The following PTER variants were observed in gnomAD, a reference collection of about 807,000 sequenced individuals.
PTER encodes phosphotriesterase related, also known as N-acetyltaurine hydrolase.
Under a neutral mutation model 29.6 loss-of-function variants are expected in PTER, and 38 were observed. That is an observed-to-expected ratio of 1.28 (90% CI 0.99 to 1.68). PTER has a LOEUF of 1.68. Among genes scored for constraint, PTER ranks in the 40% most tolerant of loss-of-function variants. PTER has a pLI of 0.00. For synonymous variants in PTER, 172 were observed against 154.5 expected, an observed-to-expected ratio of 1.11 and a Z score of -0.84; for missense variants, 482 against 427.8, an observed-to-expected ratio of 1.13 and a Z score of -1.12.
chr10:16,515,219 A>C (rs1292459166), downstream of PTER, among the ~76,000 whole-genome samples: 1 of 125,054 alleles, frequency 8.0e-6, no homozygotes, highest in Non-Finnish European at 1.6e-5. Flanking sequence ...TCTACTACTT[A>C]CAAAGAAAAA....
intron 1 of PTER, among the ~76,000 whole-genome samples, chr10:16,454,187 A>G (rs1834310860): frequency 6.6e-6 from 1 of 152,128 alleles, no homozygotes; most frequent in Admixed American, 6.5e-5. Context: ...TGGTCAACCA[A>G]CTCCACTTCT....
At chr10:16,494,547 C>T (rs560566448) in intron 3 of PTER, among the ~76,000 whole-genome samples, 6 of 152,238 alleles carry the variant, frequency 3.9e-5, no homozygotes, top group Admixed American at 2.0e-4. Context: ...GTCATGCCTC[C>T]GTGCAAAAAG....
At chr10:16,457,122 G>T (rs1015206292) in intron 1 of PTER, among the ~76,000 whole-genome samples, 1 of 152,066 alleles carries the variant, frequency 6.6e-6, no homozygotes, top group Non-Finnish European at 1.5e-5. Flanking sequence ...GAATACAAAG[G>T]CTTCAGCGAG....
At position 16,484,370 on chromosome 10, in the gene PTER, G is replaced by A. The variant is rs1835598080; in HGVS notation, c.-15G>A. On this transcript the variant is annotated 5_prime_UTR_variant, in exon 2 of 5. The change creates a new upstream start codon in the 5' untranslated region. Coordinates refer to ENST00000535784, the MANE Select transcript of PTER (RefSeq NM_001261836.2). ...AATCCTCTTTTTAGAACATCTCTTG[G>A]TGGTACCATCAGAAATGTCTTCCTT... 2 of 1,560,626 alleles carry A rather than the reference G, an allele frequency of 1.3e-6. No homozygotes were observed. Among genetic ancestry groups the A allele is most frequent in the South Asian group, 1.2e-5 (1 of 83,102 alleles).
At chr10:16,504,909 C>T (rs1836498927) in intron 3 of PTER, 111 bp from the exon 4 acceptor site, 3 of 1,243,254 alleles carry the variant, frequency 2.4e-6, no homozygotes, top group Non-Finnish European at 2.2e-6. Flanking sequence ...GTCTGTTACT[C>T]GACTTCAACT....
In PTER at chr10:16,512,939, C is replaced by A. The variant is rs1210357919; in HGVS notation, c.*1683C>A. ...ATGGCTTTTGGCAGTGTGTTCTAAC[C>A]AGAAAGAAAGGATTTGTATTACTCT... is the stretch of plus-strand genomic sequence containing the variant. On this transcript the variant is annotated 3_prime_UTR_variant, in exon 5 of 5. Transcript: ENST00000535784. The A allele has an allele frequency of 1.3e-5, 2 of 152,230 alleles. No individual in the cohort carries two copies. The highest frequency in any genetic ancestry group is 2.9e-5 in the Non-Finnish European group (2 of 67,918). The allele number at this position is 152,230 out of a possible 1,614,324, so 9.4% of individuals were successfully genotyped here.
chr10:16,467,441 A>G (rs1378433851), intron 1 of PTER, among the ~76,000 whole-genome samples: 2 of 152,160 alleles, frequency 1.3e-5, no homozygotes, highest in East Asian at 3.8e-4. Context: ...ATAGTAAGGG[A>G]AAGTTAAAAA....
chr10:16,480,602 A>G (rs905040213), intron 1 of PTER, among the ~76,000 whole-genome samples: 1 of 152,168 alleles, frequency 6.6e-6, no homozygotes, highest in East Asian at 1.9e-4. Flanking sequence ...TTATGAAATA[A>G]GGACAGTGTA....
At chr10:16,443,560 T>C (rs1015364990) in intron 1 of PTER, among the ~76,000 whole-genome samples, 7 of 152,252 alleles carry the variant, frequency 4.6e-5, no homozygotes, top group Admixed American at 4.6e-4. Context: ...GAACTTCTTT[T>C]TAACTAACAT....
chr10:16,507,670 A>G (rs1284296220), intron 4 of PTER, among the ~76,000 whole-genome samples: 1 of 152,212 alleles, frequency 6.6e-6, no homozygotes, highest in Non-Finnish European at 1.5e-5. Flanking sequence ...GTTTAGTATC[A>G]TTAGGGAAAG....
At chr10:16,446,400 A>G (rs116484458) in intron 1 of PTER, among the ~76,000 whole-genome samples, 2,726 of 151,998 alleles carry the variant, frequency 0.018, 91 homozygotes, top group African/African-American at 0.063. Context: ...TTGTATTTTT[A>G]CTAGAGACGT....
intron 1 of PTER, among the ~76,000 whole-genome samples, chr10:16,468,399 C>A (rs987056739): frequency 6.6e-6 from 1 of 151,918 alleles, no homozygotes; most frequent in South Asian, 2.1e-4. Context: ...TGACTTTTAA[C>A]CTCTATTAAC....
intron 1 of PTER, among the ~76,000 whole-genome samples, chr10:16,482,600 G>T (rs749645257): frequency 6.6e-6 from 1 of 152,166 alleles, no homozygotes; most frequent in African/African-American, 2.4e-5. Context: ...TGGGGGAAAT[G>T]ATGACTTCAG....
intron 4 of PTER, among the ~76,000 whole-genome samples, chr10:16,505,625 ATAT>A (rs1836530395): frequency 6.6e-6 from 1 of 152,236 alleles, no homozygotes; most frequent in African/African-American, 2.4e-5. Context: ...TAAAGACTAA[ATAT>A]TATGTAAAAT....
At chr10:16,485,522 G>A (rs909557115) in intron 2 of PTER, among the ~76,000 whole-genome samples, 2 of 152,132 alleles carry the variant, frequency 1.3e-5, no homozygotes, top group Non-Finnish European at 2.9e-5. Context: ...CTGCATGACA[G>A]GCATAGGGTG....
chr10:16,500,429 C>T (rs1836290718), intron 3 of PTER, among the ~76,000 whole-genome samples: 1 of 151,778 alleles, frequency 6.6e-6, no homozygotes, highest in Non-Finnish European at 1.5e-5. Flanking sequence ...TTTAAAGTTT[C>T]ATTGTAGACA....
At chr10:16,499,460 CAG>C (rs1002173724) in intron 3 of PTER, among the ~76,000 whole-genome samples, 1 of 151,584 alleles carries the variant, frequency 6.6e-6, no homozygotes, top group Non-Finnish European at 1.5e-5. Flanking sequence ...ATTTTGGAGA[CAG>C]GGTCTCGCTT....
chr10:16,442,272 T>C (rs933170305), intron 1 of PTER, among the ~76,000 whole-genome samples: 1 of 152,254 alleles, frequency 6.6e-6, no homozygotes, highest in Non-Finnish European at 1.5e-5. Context: ...CTCAAAGTTA[T>C]CTCATGTTTA....
At chr10:16,463,141 C>G (rs932571305) in intron 1 of PTER, among the ~76,000 whole-genome samples, 2 of 144,348 alleles carry the variant, frequency 1.4e-5, no homozygotes, top group African/African-American at 2.5e-5. Context: ...TGCAGTGAGC[C>G]AAGATTGTTC....
Sources: gnomAD v4.1 joint callset for allele counts (sites outside exome capture counted in the v4.1 genomes callset) on GRCh38, gnomAD v4.1.1 for gene constraint, MANE v1.5 for transcripts, NCBI Gene and HGNC (gene_info 2026-07-23, HGNC 2026-07-21) for gene names.